PPEF1: variants seen among roughly 807,000 people sequenced by gnomAD.
PPEF1 encodes serine/threonine-protein phosphatase with EF-hands 1.
Under a neutral mutation model 53.3 loss-of-function variants are expected in PPEF1, and 12 were observed. The observed-to-expected ratio is 0.23, with a 90% CI of 0.14 to 0.36. The LOEUF is 0.36. Ranked by LOEUF, PPEF1 falls within the 10% of genes least tolerant of loss-of-function variation. PPEF1 has a pLI of 1.00. For missense variants in PPEF1, 334 were observed against 490.4 expected (o/e 0.68, Z 3.01); for synonymous variants, 165 against 176.7 (o/e 0.93, Z 0.52).
chrX:18,781,335 C>G (rs2046081314), intron 7 of PPEF1, among the ~76,000 whole-genome samples: 1 of 109,786 alleles, frequency 9.1e-6, no homozygotes, highest in African/African-American at 3.3e-5. Flanking sequence ...AAAGCCCGGG[C>G]AGGGATGAGA....
chrX:18,728,844 C>T (rs2044769556), intron 1 of PPEF1, among the ~76,000 whole-genome samples: 1 of 111,730 alleles, frequency 9.0e-6, no homozygotes, highest in African/African-American at 3.3e-5. Context: ...GAACTCACAT[C>T]GTTCCTGTTA....
Position 18,745,015 on chromosome X carries a change from TA to T in PPEF1, c.236-4771del, listed in dbSNP as rs761374813. ...GATTAATGTCTATATTTTATACATA[TA>T]AAAAATATAAAATATATATTTATTA... On this transcript the variant is annotated intron_variant, in intron 3 of 15. Transcript: ENST00000470157. 3.6e-3 allele frequency among the ~76,000 whole-genome samples: 361 copies of T among 100,358 alleles called. 2 individuals are homozygous for T. The highest frequency in any genetic ancestry group is 0.012 in the African/African-American group (322 of 27,677). 87.1% of individuals were successfully genotyped at this position (100,358 alleles called of 115,157 possible). A position where few individuals can be genotyped will look rare whatever the true frequency, so the allele number is the denominator to read the frequency against.
rs887783095 is a variant in PPEF1 at position 18,767,406 on chromosome X, G to A, written c.558+5830G>A. Among the ~76,000 whole-genome samples the A allele has an allele frequency of 1.1e-4, 12 of 111,252 alleles. No individual in the cohort carries two copies. The East Asian group carries it at 1.7e-3, about 16-fold the overall frequency. ...CTAAAAATACAAAAATTAGCTGGGC[G>A]TGGTGGCACACACCCGTAGTCCCAG... On this transcript the variant is annotated intron_variant, in intron 6 of 15. Coordinates refer to ENST00000470157, the MANE Select transcript of PPEF1 (RefSeq NM_001377996.1).
At chrX:18,697,675 C>G (rs1356019550) in intron 4 of PPEF1, among the ~76,000 whole-genome samples, 1 of 111,474 alleles carries the variant, frequency 9.0e-6, no homozygotes, top group Non-Finnish European at 1.9e-5. Context: ...GTGCCTGGCA[C>G]TGTTTTAAGA....
intron 3 of PPEF1, among the ~76,000 whole-genome samples, chrX:18,740,030 T>C (rs1415472138): frequency 1.8e-5 from 2 of 112,592 alleles, no homozygotes. Context: ...AGGTACCATC[T>C]GTCACGGCTT....
intron 3 of PPEF1, among the ~76,000 whole-genome samples, chrX:18,748,840 T>G (rs891796464): frequency 5.4e-5 from 6 of 111,940 alleles, no homozygotes; most frequent in African/African-American, 1.9e-4. Context: ...CAGAGAGACC[T>G]GAGCTTGGAA....
chrX:18,791,693 A>T (rs1380337572), intron 10 of PPEF1, among the ~76,000 whole-genome samples: 2 of 111,048 alleles, frequency 1.8e-5, no homozygotes, highest in African/African-American at 3.3e-5. Context: ...TTTTTGCTTA[A>T]TTGCCTTGTC....
chrX:18,757,550 C>T (rs888180386), intron 4 of PPEF1, 77 bp from the exon 5 acceptor site: 2 of 760,809 alleles, frequency 2.6e-6, no homozygotes, highest in Admixed American at 2.4e-5. Context: ...GTGCTTGCTC[C>T]ACCTTTACAG....
chrX:18,767,662 G>A (rs2045803771), intron 6 of PPEF1, among the ~76,000 whole-genome samples: 1 of 112,487 alleles, frequency 8.9e-6, no homozygotes, highest in East Asian at 2.8e-4. Flanking sequence ...TCAGTGATCT[G>A]GAAAATCCAT....
intron 6 of PPEF1, among the ~76,000 whole-genome samples, chrX:18,769,229 G>C (rs1012401136): frequency 8.9e-6 from 1 of 111,808 alleles, no homozygotes; most frequent in African/African-American, 3.2e-5. Context: ...TTTGCTAAAA[G>C]GGCATCTCAA....
upstream of PPEF1, among the ~76,000 whole-genome samples, chrX:18,680,551 C>A (rs756454995): frequency 2.5e-4 from 27 of 107,363 alleles, no homozygotes; most frequent in East Asian, 5.2e-3. Flanking sequence ...GCCTCAGCAT[C>A]CCGAGTAGCT....
chrX:18,756,303 C>G, intron 4 of PPEF1, among the ~76,000 whole-genome samples: 1 of 110,141 alleles, frequency 9.1e-6, no homozygotes, highest in Non-Finnish European at 1.9e-5. Context: ...CCTCAGCCTC[C>G]TGAGTAGCTG....
At chrX:18,786,496 T>C (rs956067141) in intron 9 of PPEF1, among the ~76,000 whole-genome samples, 4 of 110,949 alleles carry the variant, frequency 3.6e-5, no homozygotes, top group African/African-American at 1.3e-4. Flanking sequence ...ATGAAGAAAA[T>C]GGTGGCCAGG....
chrX:18,807,951 C>T (rs771375322), intron 12 of PPEF1, among the ~76,000 whole-genome samples: 8 of 101,437 alleles, frequency 7.9e-5, no homozygotes, highest in African/African-American at 2.2e-4. Context: ...TGAGCTACCA[C>T]GCCCAGCCTG....
intron 6 of PPEF1, among the ~76,000 whole-genome samples, chrX:18,778,784 C>T (rs766644091): frequency 4.5e-5 from 5 of 110,608 alleles, no homozygotes; most frequent in Admixed American, 2.9e-4. Context: ...TCCCATCCTC[C>T]CTGGAATCTT....
At chrX:18,741,271 T>G (rs1280883976) in intron 3 of PPEF1, among the ~76,000 whole-genome samples, 2 of 111,759 alleles carry the variant, frequency 1.8e-5, no homozygotes, top group Admixed American at 9.5e-5. Context: ...AAACAGCACT[T>G]TCTGCTAATG....
At chrX:18,718,544 C>T (rs762514193) in intron 1 of PPEF1, among the ~76,000 whole-genome samples, 9 of 111,532 alleles carry the variant, frequency 8.1e-5, no homozygotes, top group Non-Finnish European at 1.7e-4. Flanking sequence ...GAACCATGAT[C>T]GTACCACTGC....
chrX:18,774,035 T>G (rs186979780), intron 6 of PPEF1, among the ~76,000 whole-genome samples: 3 of 112,255 alleles, frequency 2.7e-5, no homozygotes, highest in African/African-American at 9.7e-5. Flanking sequence ...GATTCATTGT[T>G]CACATCTGTA....
At chrX:18,699,778 G>A (rs1309390218) in intron 5 of PPEF1, among the ~76,000 whole-genome samples, 1 of 111,693 alleles carries the variant, frequency 9.0e-6, no homozygotes, top group Non-Finnish European at 1.9e-5. Flanking sequence ...CCCAGTGGCT[G>A]CTCCCTCAAA....
Sources: gnomAD v4.1 joint callset for allele counts (sites outside exome capture counted in the v4.1 genomes callset) on GRCh38, gnomAD v4.1.1 for gene constraint, MANE v1.5 for transcripts, NCBI Gene and HGNC (gene_info 2026-07-23, HGNC 2026-07-21) for gene names.